Variants in MEOX2 observed in about 807,000 individuals in gnomAD.
The protein encoded by MEOX2 is mesenchyme homeobox 2.
A neutral mutation model predicts 27.0 loss-of-function variants in MEOX2; 11 were observed. The ratio of observed to expected loss-of-function variants is 0.41; its 90% confidence interval spans 0.26 to 0.68. The LOEUF is 0.68. Ranked by LOEUF, MEOX2 falls within the 30% of genes least tolerant of loss-of-function variation. MEOX2 has a pLI of 0.33. For synonymous variants in MEOX2, 189 were observed against 155.4 expected, an observed-to-expected ratio of 1.22 and a Z score of -1.61; for missense variants, 436 against 385.4, an observed-to-expected ratio of 1.13 and a Z score of -1.10.
At chr7:15,675,509 T>C (rs944422343) in intron 1 of MEOX2, among the ~76,000 whole-genome samples, 1 of 152,186 alleles carries the variant, frequency 6.6e-6, no homozygotes, top group Admixed American at 6.5e-5. Context: ...TTTACGAGAT[T>C]TTCCTTTTAA....
At chr7:15,646,812 C>T (rs138953379) in intron 1 of MEOX2, among the ~76,000 whole-genome samples, 46 of 151,970 alleles carry the variant, frequency 3.0e-4, no homozygotes, top group Non-Finnish European at 6.5e-4. Context: ...AGCATTTACT[C>T]TTCTTCTCTA....
At chr7:15,624,004 A>C (rs1386216170) in intron 2 of MEOX2, among the ~76,000 whole-genome samples, 1 of 152,248 alleles carries the variant, frequency 6.6e-6, no homozygotes, top group East Asian at 1.9e-4. Flanking sequence ...TCTGTTTTAT[A>C]GTTTACACTA....
chr7:15,634,136 C>T (rs562726272), intron 1 of MEOX2, among the ~76,000 whole-genome samples: 2 of 151,962 alleles, frequency 1.3e-5, no homozygotes, highest in African/African-American at 4.8e-5. Flanking sequence ...AAATTTGAAA[C>T]CAAAATCATT....
chr7:15,612,736 G>C lies in MEOX2; in HGVS notation c.691-125C>G. On this transcript the variant is annotated intron_variant, in intron 2 of 2. Transcript: ENST00000262041. ...GCTTATACAAAGACACCATGAAGGA[G>C]TGAATAGAAAAATAAATCCACGTTG... is the stretch of plus-strand genomic sequence containing the variant. The C allele has an allele frequency of 4.4e-6, 3 of 685,572 alleles. 1 individual carries two copies. The highest frequency in any genetic ancestry group is 3.8e-5 in the South Asian group (2 of 53,312). The allele number at this position is 685,572 out of a possible 1,614,324, so 42.5% of individuals were successfully genotyped here.
At chr7:15,685,763 A>C (rs1782368882) in intron 1 of MEOX2, 123 bp downstream of exon 1, 1 of 1,363,388 alleles carries the variant, frequency 7.3e-7, no homozygotes, top group East Asian at 2.3e-5. Context: ...GCAGGAAGCC[A>C]CAGAGGGCAA....
At chr7:15,681,057 A>T (rs1211058453) in intron 1 of MEOX2, 1 of 151,800 alleles carries the variant, frequency 6.6e-6, no homozygotes, top group East Asian at 1.9e-4. Context: ...AATTTGGGTG[A>T]GATAAATAAT....
chr7:15,655,329 G>C (rs562429206), intron 1 of MEOX2, among the ~76,000 whole-genome samples: 105 of 151,418 alleles, frequency 6.9e-4, no homozygotes, highest in Non-Finnish European at 9.6e-4. Flanking sequence ...CAAAGAACGA[G>C]CTTTTTATTT....
At chr7:15,629,761 T>A (rs1038508635) in intron 1 of MEOX2, among the ~76,000 whole-genome samples, 5 of 151,852 alleles carry the variant, frequency 3.3e-5, no homozygotes, top group African/African-American at 9.7e-5. Flanking sequence ...CTTGGTTTTT[T>A]AAAATATTTT....
intron 1 of MEOX2, among the ~76,000 whole-genome samples, chr7:15,673,938 C>A (rs1014380933): frequency 2.0e-5 from 3 of 152,026 alleles, no homozygotes; most frequent in Non-Finnish European, 2.9e-5. Flanking sequence ...GAAAAGTTCA[C>A]TTTGCCACAA....
At chr7:15,632,988 G>C (rs574379202) in intron 1 of MEOX2, among the ~76,000 whole-genome samples, 17 of 151,996 alleles carry the variant, frequency 1.1e-4, no homozygotes, top group African/African-American at 4.1e-4. Flanking sequence ...AAGACTTTTT[G>C]ACATAAAGCA....
chr7:15,659,945 T>C (rs1223850265), intron 1 of MEOX2, among the ~76,000 whole-genome samples: 3 of 152,164 alleles, frequency 2.0e-5, no homozygotes, highest in Non-Finnish European at 2.9e-5. Context: ...AGACTTTGTC[T>C]CTGTAATCAG....
chr7:15,636,213 T>A (rs958119081), intron 1 of MEOX2, among the ~76,000 whole-genome samples: 1 of 152,026 alleles, frequency 6.6e-6, no homozygotes. Context: ...TGTTATTTAC[T>A]TAGAAATTTT....
At chr7:15,646,196 C>G (rs1307219430) in intron 1 of MEOX2, among the ~76,000 whole-genome samples, 2 of 152,060 alleles carry the variant, frequency 1.3e-5, no homozygotes, top group African/African-American at 4.8e-5. Context: ...TACTCCCTGA[C>G]TTCCAAATTT....
intron 1 of MEOX2, among the ~76,000 whole-genome samples, chr7:15,633,938 T>A (rs1203609863): frequency 6.6e-6 from 1 of 151,952 alleles, no homozygotes; most frequent in Non-Finnish European, 1.5e-5. Flanking sequence ...CATAGAAATT[T>A]AACTGACCTT....
intron 1 of MEOX2, among the ~76,000 whole-genome samples, chr7:15,670,947 C>T (rs1782084601): frequency 6.6e-6 from 1 of 152,054 alleles, no homozygotes; most frequent in Non-Finnish European, 1.5e-5. Flanking sequence ...ATACTAATGT[C>T]CAGATAAAAT....
intron 1 of MEOX2, among the ~76,000 whole-genome samples, chr7:15,634,679 T>A (rs978502060): frequency 6.6e-6 from 1 of 151,976 alleles, no homozygotes; most frequent in African/African-American, 2.4e-5. Flanking sequence ...TTTTTAGGAA[T>A]GACCAACATG....
At chr7:15,631,182 G>A (rs910537057) in intron 1 of MEOX2, among the ~76,000 whole-genome samples, 1 of 151,166 alleles carries the variant, frequency 6.6e-6, no homozygotes, top group Non-Finnish European at 1.5e-5. Context: ...ACCAAAAAAG[G>A]AATTTCCATC....
chr7:15,685,632 C>T (rs1782367603), intron 1 of MEOX2, among the ~76,000 whole-genome samples: 1 of 152,212 alleles, frequency 6.6e-6, no homozygotes, highest in African/African-American at 2.4e-5. Context: ...TTTTTATCAA[C>T]CTTCTGGTAA....
chr7:15,656,527 G>T (rs1781824813), intron 1 of MEOX2, among the ~76,000 whole-genome samples: 1 of 150,112 alleles, frequency 6.7e-6, no homozygotes, highest in African/African-American at 2.4e-5. Context: ...TCTCTTTGAT[G>T]TTGTGCTGGA....
Sources: gnomAD v4.1 joint callset for allele counts (sites outside exome capture counted in the v4.1 genomes callset) on GRCh38, gnomAD v4.1.1 for gene constraint, MANE v1.5 for transcripts, NCBI Gene and HGNC (gene_info 2026-07-23, HGNC 2026-07-21) for gene names.